Variants in PTPRD observed in about 807,000 individuals in gnomAD.
The protein encoded by PTPRD is receptor-type tyrosine-protein phosphatase delta.
PTPRD carries 34 observed loss-of-function variants against 214.5 expected under a neutral mutation model. The observed-to-expected ratio is 0.16, with a 90% CI of 0.12 to 0.21. The LOEUF (loss-of-function observed/expected upper bound fraction) is 0.21, where lower values mean the gene tolerates loss of function less well. Among genes scored for constraint, PTPRD ranks in the 10% least tolerant of loss-of-function variants. The probability of loss-of-function intolerance (pLI) is 1.00; values close to 1 mark genes in which losing one functional copy is unlikely to be tolerated. For missense variants in PTPRD, 2,545 were observed against 2,398.7 expected, an observed-to-expected ratio of 1.06 and a Z score of -1.27; for synonymous variants, 1,128 against 845.7, an observed-to-expected ratio of 1.33 and a Z score of -5.79.
intron 5 of PTPRD, among the ~76,000 whole-genome samples, chr9:9,930,180 C>T (rs993396600): frequency 6.6e-6 from 1 of 152,286 alleles, no homozygotes; most frequent in Non-Finnish European, 1.5e-5. Flanking sequence ...CAGACATCAG[C>T]ACTGGAAACA....
intron 11 of PTPRD, among the ~76,000 whole-genome samples, chr9:8,791,473 C>A (rs935606373): frequency 4.6e-5 from 7 of 150,750 alleles, no homozygotes; most frequent in African/African-American, 1.5e-4. Context: ...ATCTGCCCAC[C>A]TTGGCCTCCC....
chr9:10,387,792 A>G (rs1193589849), intron 2 of PTPRD, among the ~76,000 whole-genome samples: 1 of 143,996 alleles, frequency 6.9e-6, no homozygotes, highest in African/African-American at 2.6e-5. Context: ...CCTGTTGAAT[A>G]CGATTTAAAA....
At chr9:10,278,349 C>T (rs769697582) in intron 3 of PTPRD, among the ~76,000 whole-genome samples, 1 of 152,080 alleles carries the variant, frequency 6.6e-6, no homozygotes, top group Non-Finnish European at 1.5e-5. Context: ...TACAGGCTTC[C>T]ACAGCTTTCT....
At chr9:8,954,499 G>T (rs2099120868) in intron 11 of PTPRD, among the ~76,000 whole-genome samples, 1 of 150,140 alleles carries the variant, frequency 6.7e-6, no homozygotes, top group Non-Finnish European at 1.5e-5. Context: ...TAAGGTAAAA[G>T]TCAAAAAAGA....
At chr9:9,087,742 A>C (rs1206313802) in intron 10 of PTPRD, among the ~76,000 whole-genome samples, 1 of 152,108 alleles carries the variant, frequency 6.6e-6, no homozygotes, top group Non-Finnish European at 1.5e-5. Context: ...GTTAAATTTT[A>C]AATTCAAAGT....
chr9:9,803,771 CAT>C (rs909981133), intron 5 of PTPRD: 3 of 151,774 alleles, frequency 2.0e-5, no homozygotes, highest in African/African-American at 7.3e-5. Context: ...AAGGTAAAAA[CAT>C]AACAAATCAA....
At chr9:8,794,952 G>A (rs2096365457) in intron 11 of PTPRD, among the ~76,000 whole-genome samples, 1 of 151,350 alleles carries the variant, frequency 6.6e-6, no homozygotes, top group African/African-American at 2.4e-5. Context: ...TTTTTGTACT[G>A]CTGATTAATT....
intron 9 of PTPRD, among the ~76,000 whole-genome samples, chr9:9,243,971 T>C (rs2099971662): frequency 6.6e-6 from 1 of 152,082 alleles, no homozygotes; most frequent in Non-Finnish European, 1.5e-5. Flanking sequence ...TGTGCAAAAA[T>C]CACAAGCATT....
intron 9 of PTPRD, among the ~76,000 whole-genome samples, chr9:9,318,394 A>G (rs1964559242): frequency 6.6e-6 from 1 of 152,146 alleles, no homozygotes; most frequent in Non-Finnish European, 1.5e-5. Flanking sequence ...TTTAAAGTCA[A>G]ATAAAGAAGA....
At chr9:8,703,254 C>T (rs914403559) in intron 12 of PTPRD, among the ~76,000 whole-genome samples, 1 of 152,124 alleles carries the variant, frequency 6.6e-6, no homozygotes, top group Admixed American at 6.5e-5. Context: ...GTCTAGAAGC[C>T]TAGAAGTTTA....
chr9:10,231,744 T>C (rs77460484), intron 3 of PTPRD, among the ~76,000 whole-genome samples: 6,058 of 151,982 alleles, frequency 0.04, 280 homozygotes, highest in East Asian at 0.21. Flanking sequence ...TTGAAAGAAA[T>C]GTTCTGCTGT....
At chr9:10,373,744 T>A (rs1243584770) in intron 2 of PTPRD, among the ~76,000 whole-genome samples, 1 of 152,136 alleles carries the variant, frequency 6.6e-6, no homozygotes, top group African/African-American at 2.4e-5. Flanking sequence ...CTTTACGCCT[T>A]GCCATATTTC....
At chr9:9,473,765 T>C (rs2094804704) in intron 8 of PTPRD, among the ~76,000 whole-genome samples, 1 of 152,030 alleles carries the variant, frequency 6.6e-6, no homozygotes. Context: ...TGGTCATGTG[T>C]ATGGGTTTAT....
At chr9:9,587,566 G>C (rs374721558) in intron 7 of PTPRD, among the ~76,000 whole-genome samples, 1 of 142,958 alleles carries the variant, frequency 7.0e-6, no homozygotes, top group African/African-American at 2.5e-5. Context: ...TTCCTTCTAA[G>C]TATGAGATAC....
rs539367692 is a variant in PTPRD, at chr9:10,338,753, G to A, written c.-545+2210C>T. Among the ~76,000 whole-genome samples the A allele has an allele frequency of 3.3e-5, 5 of 151,790 alleles. No individual in the cohort carries two copies. In the East Asian group the frequency reaches 9.7e-4, roughly 29 times the overall value. Reference sequence around the variant, plus strand: ...AAAGAACTCTAATGGCAAAGGCATTGCTTTTGAGAGAGATAGCCCATGTTT... The same window carrying A: ...AAAGAACTCTAATGGCAAAGGCATTACTTTTGAGAGAGATAGCCCATGTTT... On this transcript the variant is annotated intron_variant, in intron 3 of 45. Transcript: ENST00000381196.
chr9:9,010,630 A>G (rs918759398), intron 11 of PTPRD, among the ~76,000 whole-genome samples: 1 of 152,028 alleles, frequency 6.6e-6, no homozygotes, highest in Admixed American at 6.6e-5. Context: ...TCAACAGTGC[A>G]GATCTTTCTG....
chr9:9,920,045 C>T (rs1012923762), intron 5 of PTPRD, among the ~76,000 whole-genome samples: 5 of 151,932 alleles, frequency 3.3e-5, no homozygotes, highest in African/African-American at 1.2e-4. Context: ...CGGGATTTAA[C>T]CCATAAGCAG....
intron 6 of PTPRD, among the ~76,000 whole-genome samples, chr9:9,740,640 A>C (rs1433719044): frequency 1.3e-5 from 2 of 152,198 alleles, no homozygotes; most frequent in African/African-American, 4.8e-5. Context: ...CTGGGATTAC[A>C]GGCCTGAGCC....
chr9:8,623,891 A>G lies in PTPRD; in HGVS notation c.352+9426T>C, dbSNP rs1000272844. ...AAGGTTGGTAACAGAAATAATCAAA[A>G]AAACAAAACAAACGAATAAACGAAA... is the stretch of plus-strand genomic sequence containing the variant. On this transcript the variant is annotated intron_variant, in intron 14 of 45. Coordinates refer to ENST00000381196, the MANE Select transcript of PTPRD (RefSeq NM_002839.4). Among the ~76,000 whole-genome samples the G allele has an allele frequency of 4.1e-4, 63 of 151,960 alleles. 1 individual carries two copies. Among genetic ancestry groups the G allele is most frequent in the African/African-American group, 1.5e-3 (61 of 41,400 alleles).
Sources: allele counts gnomAD v4.1 joint callset (sites outside exome capture counted in the v4.1 genomes callset), GRCh38; gene constraint gnomAD v4.1.1; transcripts MANE v1.5; gene names NCBI Gene and HGNC (gene_info 2026-07-23, HGNC 2026-07-21).